Variants in NOC3L observed in about 807,000 individuals in gnomAD.
The protein encoded by NOC3L is NOC3 like DNA replication regulator.
NOC3L carries 85 observed loss-of-function variants against 102.5 expected under a neutral mutation model. The observed-to-expected ratio is 0.83, with a 90% CI of 0.70 to 0.99. The LOEUF (loss-of-function observed/expected upper bound fraction) is 0.99. NOC3L is among the 50% of genes least tolerant of loss of function. The pLI is 0.00. For missense variants in NOC3L, 878 were observed against 914.9 expected, an observed-to-expected ratio of 0.96 and a Z score of 0.52; for synonymous variants, 303 against 309.4, an observed-to-expected ratio of 0.98 and a Z score of 0.22.
chr10:94,353,361 C>T (rs971434524), intron 6 of NOC3L, among the ~76,000 whole-genome samples: 2 of 152,178 alleles, frequency 1.3e-5, no homozygotes, highest in South Asian at 2.1e-4. Flanking sequence ...TCGGTGCCTG[C>T]GTCTACTCCT....
chr10:94,340,997 A>AG (rs2133988208), intron 14 of NOC3L, among the ~76,000 whole-genome samples: 6 of 150,634 alleles, frequency 4.0e-5, no homozygotes, highest in African/African-American at 7.3e-5. Flanking sequence ...AAAAAAAAAA[A>AG]AAATTTCTAC....
At position 94,334,720 on chromosome 10, in the gene NOC3L, T is replaced by C; in HGVS notation, c.2190-2A>G. ...GCCTCAAAAAGTTCAGTAGCAGATC[T>C]AAATCACAAACACAAAAAATGTAAA... On this transcript the variant is annotated splice_acceptor_variant, in intron 19 of 20. Coordinates refer to ENST00000371361, the MANE Select transcript of NOC3L (RefSeq NM_022451.11). LOFTEE classifies it high-confidence loss of function. 1 of 1,605,828 alleles carries C rather than the reference T, an allele frequency of 6.2e-7. No individual in the cohort carries two copies.
chr10:94,317,148 G>A, the NOC3L span, among the ~76,000 whole-genome samples: 1 of 152,112 alleles, frequency 6.6e-6, no homozygotes, highest in South Asian at 2.1e-4. Flanking sequence ...CTACTCATGA[G>A]GGAGGCTGAG....
downstream of NOC3L, chr10:94,329,375 A>G (rs2054129107): frequency 6.6e-6 from 1 of 152,218 alleles, no homozygotes; most frequent in South Asian, 2.1e-4. Context: ...TCTTCAAATT[A>G]CAAAACACTA....
At chr10:94,322,091 T>C in the NOC3L span, 2 of 1,600,214 alleles carry the variant, frequency 1.2e-6, no homozygotes, top group Non-Finnish European at 1.7e-6. Flanking sequence ...ACCTGAGTCC[T>C]TTCCTCAGCA....
the NOC3L span, among the ~76,000 whole-genome samples, chr10:94,323,407 ATAG>A: frequency 1.3e-5 from 2 of 152,252 alleles, no homozygotes; most frequent in Non-Finnish European, 2.9e-5. Flanking sequence ...TGCCTTAGTT[ATAG>A]TAGTGTGCTG....
At chr10:94,329,816 A>G (rs566636218), downstream of NOC3L, 1 of 145,516 alleles carries the variant, frequency 6.9e-6, no homozygotes, top group East Asian at 2.1e-4. Context: ...AAAAAACACC[A>G]TACAGCTTTC....
At chr10:94,316,893 A>G in the NOC3L span, 1 of 715,630 alleles carries the variant, frequency 1.4e-6, no homozygotes, top group Non-Finnish European at 2.6e-6. Context: ...AATGTGGATG[A>G]ACAGTTTTAT....
chr10:94,319,874 T>TTC, the NOC3L span, among the ~76,000 whole-genome samples: 146 of 143,876 alleles, frequency 1.0e-3, 4 homozygotes, highest in Non-Finnish European at 1.8e-3. Flanking sequence ...CTTTTTTTTT[T>TTC]TTTTTTTTTT....
In NOC3L at chr10:94,334,114, C is replaced by T; in HGVS notation, c.*63G>A. 1 of 748,054 alleles carries T rather than the reference C, an allele frequency of 1.3e-6. No individual in the cohort carries two copies. Among genetic ancestry groups the T allele is most frequent in the Non-Finnish European group, 2.3e-6 (1 of 435,684 alleles). 46.3% of individuals were successfully genotyped at this position (748,054 alleles called of 1,614,324 possible). On this transcript the variant is annotated 3_prime_UTR_variant, in exon 21 of 21. Coordinates refer to ENST00000371361, the MANE Select transcript of NOC3L (RefSeq NM_022451.11). ...AAAAGAAAAGATCCTAAGTTAACAA[C>T]TCATCTTTATGTACATCTGCACACA...
chr10:94,361,222 T>G (rs1475571641), intron 2 of NOC3L: 1 of 157,854 alleles, frequency 6.3e-6, no homozygotes, highest in East Asian at 1.9e-4. Context: ...ACAACTCAAT[T>G]TCACCCCAAG....
intron 10 of NOC3L, among the ~76,000 whole-genome samples, chr10:94,346,925 C>T (rs2054351605): frequency 6.6e-6 from 1 of 152,120 alleles, no homozygotes; most frequent in Non-Finnish European, 1.5e-5. Flanking sequence ...GGCCCTATCC[C>T]CAGAGTTTCT....
chr10:94,342,065 C>T (rs554697797), intron 13 of NOC3L, among the ~76,000 whole-genome samples: 71 of 152,290 alleles, frequency 4.7e-4, no homozygotes, highest in Admixed American at 8.5e-4. Context: ...CCGGCAGGAT[C>T]GGCTTCTAAG....
chr10:94,340,207 A>G lies in NOC3L; in HGVS notation c.1780+69T>C, dbSNP rs1048992967. 1.6e-5 allele frequency: 21 copies of G among 1,300,910 alleles called. No individual in the cohort carries two copies. The Admixed American group carries it at 3.7e-4, about 23-fold the overall frequency. The allele number at this position is 1,300,910 out of a possible 1,614,324, so 80.6% of individuals were successfully genotyped here. On this transcript the variant is annotated intron_variant, in intron 16 of 20. Transcript: ENST00000371361. ...CTGTTCCTATTTCTCATTTGTCTAC[A>G]ATGATGGGTCATAACATATTCTTAA...
intron 5 of NOC3L, 32 bp downstream of exon 5, chr10:94,356,503 T>G (rs1589577071): frequency 7.2e-7 from 1 of 1,387,504 alleles, no homozygotes; most frequent in East Asian, 2.3e-5. Flanking sequence ...AAATTCTCAA[T>G]TAACAATTTA....
rs140800381 is a variant in NOC3L, at chr10:94,358,042, C to T, written c.350+41G>A. On this transcript the variant is annotated intron_variant, in intron 3 of 20. Transcript: ENST00000371361. ...GAAATTCAGAACCAAGTTTTTAACACTAAATGGATATGAATGATTATAACC... is the reference window on the plus strand; with the variant it reads ...GAAATTCAGAACCAAGTTTTTAACATTAAATGGATATGAATGATTATAACC... The T allele has an allele frequency of 8.7e-3, 11,799 of 1,356,416 alleles. 75 individuals carry two copies. The highest frequency in any genetic ancestry group is 0.01 in the Non-Finnish European group (9,518 of 950,754). 84.0% of individuals were successfully genotyped at this position (1,356,416 alleles called of 1,614,324 possible). A position where few individuals can be genotyped will look rare whatever the true frequency, so the allele number is the denominator to read the frequency against.
At chr10:94,350,430 G>A in intron 8 of NOC3L, 142 bp from the exon 9 acceptor site, 2 of 708,972 alleles carry the variant, frequency 2.8e-6, no homozygotes, top group Non-Finnish European at 4.7e-6. Flanking sequence ...GACTTCATAT[G>A]CTGGGCACAG....
downstream of NOC3L, chr10:94,328,936 T>C (rs2054124255): frequency 6.6e-6 from 1 of 152,210 alleles, no homozygotes; most frequent in South Asian, 2.1e-4. Flanking sequence ...ACAAGAAACC[T>C]AACAATTTTT....
the NOC3L span, among the ~76,000 whole-genome samples, chr10:94,315,787 AAAAG>A: frequency 6.9e-6 from 1 of 145,910 alleles, no homozygotes; most frequent in African/African-American, 2.6e-5. Context: ...AAAAAAAAAA[AAAAG>A]TAACTATAAT....
Sources: gnomAD v4.1 joint callset for allele counts (sites outside exome capture counted in the v4.1 genomes callset) on GRCh38, gnomAD v4.1.1 for gene constraint, MANE v1.5 for transcripts, NCBI Gene and HGNC (gene_info 2026-07-23, HGNC 2026-07-21) for gene names.